RIMS4: variants seen among roughly 807,000 people sequenced by gnomAD.
RIMS4 encodes regulating synaptic membrane exocytosis protein 4.
In RIMS4, 9 loss-of-function variants were observed where a neutral mutation model predicts 29.0. The ratio of observed to expected loss-of-function variants is 0.31; its 90% CI spans 0.19 to 0.54. The LOEUF (loss-of-function observed/expected upper bound fraction) is 0.54, where lower values mean the gene tolerates loss of function less well. Ranked by LOEUF, RIMS4 falls within the 20% of genes least tolerant of loss-of-function variation. RIMS4 has a pLI of 0.94. For missense variants in RIMS4, 193 were observed against 365.7 expected (o/e 0.53, Z 3.85); for synonymous variants, 130 against 152.9 (o/e 0.85, Z 1.10).
chr20:44,802,765 C>A (rs2066282632), intron 1 of RIMS4, among the ~76,000 whole-genome samples: 1 of 152,216 alleles, frequency 6.6e-6, no homozygotes, highest in African/African-American at 2.4e-5. Flanking sequence ...TCAGTTCCCG[C>A]ACCAGATAAT....
chr20:44,780,045 G>A (rs745509464), intron 1 of RIMS4, among the ~76,000 whole-genome samples: 1 of 152,172 alleles, frequency 6.6e-6, no homozygotes, highest in African/African-American at 2.4e-5. Flanking sequence ...ACAGGAAGGA[G>A]GGGAAAAGGC....
intron 1 of RIMS4, among the ~76,000 whole-genome samples, chr20:44,793,533 T>C (rs1348580249): frequency 6.6e-6 from 1 of 152,170 alleles, no homozygotes; most frequent in Non-Finnish European, 1.5e-5. Flanking sequence ...CTCAGGATAC[T>C]GCTGATGGAT....
At chr20:44,770,993 T>C (rs552248126) in intron 2 of RIMS4, among the ~76,000 whole-genome samples, 1 of 152,298 alleles carries the variant, frequency 6.6e-6, no homozygotes, top group South Asian at 2.1e-4. Flanking sequence ...GTTAATCCCA[T>C]TTTACAGATG....
In RIMS4 at chr20:44,797,886, C is replaced by T. The variant is rs6103868; in HGVS notation, c.97+12289G>A. Among the ~76,000 whole-genome samples, 538 of 152,304 alleles carry T rather than the reference C, an allele frequency of 3.5e-3. 6 individuals carry two copies. Among genetic ancestry groups the T allele is most frequent in the African/African-American group, 0.011 (467 of 41,558 alleles). Reference sequence around the variant, plus strand: ...GTTACCTCCTGCTTATAGCTGTGAACCTGTTCATCTAATGAGGAAATCAAA... The same window carrying T: ...GTTACCTCCTGCTTATAGCTGTGAATCTGTTCATCTAATGAGGAAATCAAA... On this transcript the variant is annotated intron_variant, in intron 1 of 5. Coordinates refer to ENST00000372851, the MANE Select transcript of RIMS4 (RefSeq NM_182970.4).
intron 1 of RIMS4, among the ~76,000 whole-genome samples, chr20:44,778,593 A>G (rs2066170600): frequency 6.6e-6 from 1 of 152,130 alleles, no homozygotes. Context: ...GGAGCCCAGG[A>G]GTTTGAGGCT....
chr20:44,808,177 G>A (rs990337131), intron 1 of RIMS4, among the ~76,000 whole-genome samples: 2 of 151,310 alleles, frequency 1.3e-5, no homozygotes, highest in South Asian at 2.1e-4. Flanking sequence ...ATCCATTTGC[G>A]GGCAAAAAGG....
intron 1 of RIMS4, among the ~76,000 whole-genome samples, chr20:44,795,974 T>C (rs1265525568): frequency 1.3e-5 from 2 of 152,162 alleles, no homozygotes; most frequent in African/African-American, 2.4e-5. Flanking sequence ...ATTATAGTTA[T>C]TTCCATCTGT....
At chr20:44,784,828 A>G (rs1396237103) in intron 1 of RIMS4, among the ~76,000 whole-genome samples, 3 of 152,254 alleles carry the variant, frequency 2.0e-5, no homozygotes, top group African/African-American at 7.2e-5. Context: ...GAGGGCAGGG[A>G]CACTGGCTGG....
chr20:44,761,554 T>C (rs1210997276), intron 2 of RIMS4, among the ~76,000 whole-genome samples: 1 of 152,186 alleles, frequency 6.6e-6, no homozygotes, highest in Admixed American at 6.5e-5. Flanking sequence ...CAGGTGAATG[T>C]TCACCCAGCC....
chr20:44,810,114 G>A, intron 1 of RIMS4, 61 bp downstream of exon 1: 2 of 1,052,576 alleles, frequency 1.9e-6, no homozygotes, highest in East Asian at 3.1e-5. Context: ...GTCGGGGAGG[G>A]GGCTACCGGA....
At chr20:44,792,707 A>T (rs1007440684) in intron 1 of RIMS4, among the ~76,000 whole-genome samples, 4 of 152,204 alleles carry the variant, frequency 2.6e-5, no homozygotes, top group Non-Finnish European at 5.9e-5. Context: ...CTGACATTTC[A>T]GTAAGATTAT....
intron 1 of RIMS4, among the ~76,000 whole-genome samples, chr20:44,794,817 A>ATATC (rs2066247698): frequency 6.6e-6 from 1 of 152,200 alleles, no homozygotes; most frequent in Non-Finnish European, 1.5e-5. Context: ...CTAGGGATAG[A>ATATC]TGGTCAGATC....
chr20:44,780,165 G>A (rs977419727), intron 1 of RIMS4, among the ~76,000 whole-genome samples: 15 of 152,206 alleles, frequency 9.9e-5, no homozygotes, highest in South Asian at 4.1e-4. Context: ...TTATTTCATC[G>A]ATTCTAAGAC....
At chr20:44,766,896 G>C (rs1003283629) in intron 2 of RIMS4, among the ~76,000 whole-genome samples, 6 of 152,192 alleles carry the variant, frequency 3.9e-5, no homozygotes, top group African/African-American at 1.4e-4. Flanking sequence ...TGTTACCACA[G>C]GAAGAGCCAG....
intron 1 of RIMS4, among the ~76,000 whole-genome samples, chr20:44,786,252 C>A (rs1427755182): frequency 6.6e-6 from 1 of 152,170 alleles, no homozygotes; most frequent in African/African-American, 2.4e-5. Context: ...CACCCAGCCT[C>A]TGAGGGAGGG....
At chr20:44,792,203 T>A (rs925285726) in intron 1 of RIMS4, among the ~76,000 whole-genome samples, 3 of 152,132 alleles carry the variant, frequency 2.0e-5, no homozygotes, top group Non-Finnish European at 4.4e-5. Context: ...GCATAAAGAA[T>A]GCTGTAAAAT....
At chr20:44,808,097 T>TAC (rs35008908) in intron 1 of RIMS4, among the ~76,000 whole-genome samples, 24,439 of 150,578 alleles carry the variant, frequency 0.16, 2,252 homozygotes, top group Admixed American at 0.26. Flanking sequence ...TATATATATA[T>TAC]ACACACACAC....
chr20:44,805,908 C>T (rs2066296663), intron 1 of RIMS4, among the ~76,000 whole-genome samples: 1 of 152,192 alleles, frequency 6.6e-6, no homozygotes, highest in Non-Finnish European at 1.5e-5. Context: ...CAGAAGTACT[C>T]AGACCACCCC....
chr20:44,808,095 T>C (rs1568909752), intron 1 of RIMS4, among the ~76,000 whole-genome samples: 2 of 147,368 alleles, frequency 1.4e-5, no homozygotes, highest in African/African-American at 2.6e-5. Context: ...TATATATATA[T>C]ATACACACAC....
Sources: gnomAD v4.1 joint callset for allele counts (sites outside exome capture counted in the v4.1 genomes callset) on GRCh38, gnomAD v4.1.1 for gene constraint, MANE v1.5 for transcripts, NCBI Gene and HGNC (gene_info 2026-07-23, HGNC 2026-07-21) for gene names.